Variants in COL10A1 observed in about 807,000 individuals in gnomAD.
COL10A1 encodes the protein collagen type X alpha 1 chain.
COL10A1 carries 10 observed loss-of-function variants against 18.2 expected under a neutral mutation model. That is an observed-to-expected ratio of 0.55 (90% confidence interval 0.34 to 0.93). COL10A1 has a LOEUF of 0.93. COL10A1 is among the 40% of genes least tolerant of loss of function. The pLI is 0.02. For synonymous variants in COL10A1, 330 were observed against 316.6 expected (o/e 1.04, Z -0.45); for missense variants, 897 against 853.5 (o/e 1.05, Z -0.64).
the COL10A1 span, among the ~76,000 whole-genome samples, chr6:116,171,500 C>A: frequency 2.0e-5 from 3 of 152,128 alleles, no homozygotes; most frequent in Admixed American, 6.6e-5. Context: ...AGATTTCAGA[C>A]TGGTACTTAC....
the COL10A1 span, among the ~76,000 whole-genome samples, chr6:116,168,287 TTTTC>T: frequency 6.6e-6 from 1 of 152,070 alleles, no homozygotes; most frequent in Non-Finnish European, 1.5e-5. Flanking sequence ...ACCTTCTCTC[TTTTC>T]TTGTCTGCCT....
the COL10A1 span, among the ~76,000 whole-genome samples, chr6:116,205,040 A>G: frequency 6.6e-6 from 1 of 151,996 alleles, no homozygotes; most frequent in Non-Finnish European, 1.5e-5. Flanking sequence ...GCAAGTCCGT[A>G]GAAATTTATC....
At chr6:116,123,841 G>A (rs1268287279) in intron 2 of COL10A1, among the ~76,000 whole-genome samples, 1 of 152,208 alleles carries the variant, frequency 6.6e-6, no homozygotes, top group African/African-American at 2.4e-5. Flanking sequence ...TGTATATTAA[G>A]AGAAGATCAA....
At chr6:116,154,242 A>T (rs1203979554) in intron 1 of COL10A1, among the ~76,000 whole-genome samples, 1 of 152,174 alleles carries the variant, frequency 6.6e-6, no homozygotes, top group East Asian at 1.9e-4. Context: ...AAAATAGTTG[A>T]TAAATATATT....
In COL10A1 at chr6:116,120,148, A is replaced by T; in HGVS notation, c.1968T>A (p.Asn656Lys). ...AGGAGTATAGGCCATTTGACTCGGCATTGGGAAGCTGGAGCCACACCTGGT... is the reference window on the plus strand; with the variant it reads ...AGGAGTATAGGCCATTTGACTCGGCTTTGGGAAGCTGGAGCCACACCTGGT... Reference protein sequence around the residue: ...ENDQVWLQLPNAESNGLYSSE... With the variant: ...ENDQVWLQLPKAESNGLYSSE... The change falls in exon 3 of 3, where the codon AAT (asparagine) becomes AAA (lysine). Residue 656 changes from asparagine to lysine, a missense_variant. Coordinates refer to ENST00000651968, the MANE Select transcript of COL10A1 (RefSeq NM_000493.4). The T allele has an allele frequency of 6.2e-7, 1 of 1,614,128 alleles. No homozygotes were observed.
the COL10A1 span, among the ~76,000 whole-genome samples, chr6:116,204,093 T>C: frequency 1.3e-5 from 2 of 151,864 alleles, no homozygotes; most frequent in African/African-American, 4.8e-5. Flanking sequence ...AATTTGGTCC[T>C]GCAGTGAAAC....
chr6:116,125,739 C>A, intron 1 of COL10A1: 2 of 344,132 alleles, frequency 5.8e-6, no homozygotes, highest in Non-Finnish European at 5.4e-6. Context: ...AATGATTTAC[C>A]TAAAGGAAAA....
upstream of COL10A1, among the ~76,000 whole-genome samples, chr6:116,128,202 G>A (rs566946963): frequency 6.6e-6 from 1 of 152,210 alleles, no homozygotes; most frequent in East Asian, 1.9e-4. Context: ...TATTGAATAA[G>A]CCTTGGACAT....
chr6:116,126,244 A>G (rs964159248), upstream of COL10A1: 4 of 152,176 alleles, frequency 2.6e-5, no homozygotes, highest in Non-Finnish European at 1.5e-5. Flanking sequence ...TATGGTGGAA[A>G]GTTCTATTGG....
intron 2 of COL10A1, among the ~76,000 whole-genome samples, chr6:116,122,606 C>A (rs1779164721): frequency 6.6e-6 from 1 of 152,116 alleles, no homozygotes; most frequent in South Asian, 2.1e-4. Context: ...TGTTTGATTT[C>A]ATAGAGCTGT....
At chr6:116,134,714 A>G (rs1311650617) in intron 1 of COL10A1, among the ~76,000 whole-genome samples, 2 of 152,204 alleles carry the variant, frequency 1.3e-5, no homozygotes, top group African/African-American at 4.8e-5. Context: ...ACTTCTTCCC[A>G]AAGTAGTTTT....
chr6:116,171,152 T>A, the COL10A1 span, among the ~76,000 whole-genome samples: 1 of 152,212 alleles, frequency 6.6e-6, no homozygotes, highest in Admixed American at 6.5e-5. Flanking sequence ...GATTGTTGAA[T>A]AAATGAATAT....
chr6:116,131,367 G>T (rs1042563188), intron 1 of COL10A1, among the ~76,000 whole-genome samples: 4 of 152,094 alleles, frequency 2.6e-5, no homozygotes, highest in African/African-American at 9.7e-5. Flanking sequence ...TTAAAACATT[G>T]TTTTGATTTA....
chr6:116,175,609 GAC>G, the COL10A1 span, among the ~76,000 whole-genome samples: 6 of 151,938 alleles, frequency 3.9e-5, no homozygotes, highest in African/African-American at 7.3e-5. Context: ...CTTCTCCCCC[GAC>G]ACAGTTTTTT....
intron 1 of COL10A1, among the ~76,000 whole-genome samples, chr6:116,152,476 A>T (rs1442861549): frequency 6.6e-6 from 1 of 152,012 alleles, no homozygotes; most frequent in Non-Finnish European, 1.5e-5. Flanking sequence ...TATTATGGTG[A>T]TTATCTACCC....
At chr6:116,163,348 T>G (rs1007255601), upstream of COL10A1, among the ~76,000 whole-genome samples, 2 of 151,626 alleles carry the variant, frequency 1.3e-5, no homozygotes, top group Non-Finnish European at 2.9e-5. Context: ...TGGTTCAATC[T>G]GGGAGGTTGT....
At chr6:116,139,555 A>T (rs901356082) in intron 1 of COL10A1, among the ~76,000 whole-genome samples, 1 of 152,184 alleles carries the variant, frequency 6.6e-6, no homozygotes, top group African/African-American at 2.4e-5. Context: ...TGCAGTGTTA[A>T]TAAGTGTATT....
the COL10A1 span, among the ~76,000 whole-genome samples, chr6:116,196,359 A>G: frequency 6.6e-6 from 1 of 152,108 alleles, no homozygotes; most frequent in Non-Finnish European, 1.5e-5. Context: ...AACAAAATAT[A>G]CACAATGGGA....
the COL10A1 span, among the ~76,000 whole-genome samples, chr6:116,172,331 T>TC: frequency 1.4e-5 from 2 of 147,718 alleles, no homozygotes. Context: ...TTTTTTTTTT[T>TC]TTTTTTTTGA....
Sources: gnomAD v4.1 joint callset for allele counts (sites outside exome capture counted in the v4.1 genomes callset) on GRCh38, gnomAD v4.1.1 for gene constraint, MANE v1.5 for transcripts, NCBI Gene and HGNC (gene_info 2026-07-23, HGNC 2026-07-21) for gene names.